Variants in CSGALNACT1 observed in about 807,000 individuals in gnomAD.
CSGALNACT1 encodes the protein chondroitin sulfate N-acetylgalactosaminyltransferase 1, also known as beta4GalNAcT-1.
CSGALNACT1 carries 52 observed loss-of-function variants against 51.0 expected under a neutral mutation model. The observed-to-expected ratio is 1.02, with a 90% CI of 0.82 to 1.29. The LOEUF (loss-of-function observed/expected upper bound fraction) is 1.29. Ranked by LOEUF, CSGALNACT1 falls within the 50% of genes most tolerant of loss-of-function variation. The pLI is 0.00. For missense variants in CSGALNACT1, 935 were observed against 679.2 expected, an observed-to-expected ratio of 1.38 and a Z score of -4.19; for synonymous variants, 341 against 254.4, an observed-to-expected ratio of 1.34 and a Z score of -3.24.
At chr8:19,489,569 G>A (rs190133068) in intron 4 of CSGALNACT1, among the ~76,000 whole-genome samples, 57 of 152,212 alleles carry the variant, frequency 3.7e-4, no homozygotes, top group African/African-American at 1.2e-3. Flanking sequence ...CAGGCAACGT[G>A]CTTAATATTA....
At chr8:19,455,859 C>G (rs1014054731) in intron 5 of CSGALNACT1, among the ~76,000 whole-genome samples, 5 of 152,208 alleles carry the variant, frequency 3.3e-5, no homozygotes, top group South Asian at 2.1e-4. Context: ...ACCGCATCTT[C>G]AATTCATCTT....
intron 3 of CSGALNACT1, among the ~76,000 whole-genome samples, chr8:19,535,631 A>T (rs911824772): frequency 6.6e-6 from 1 of 152,216 alleles, no homozygotes; most frequent in African/African-American, 2.4e-5. Flanking sequence ...TCAGAAATTT[A>T]AAAACTAAAT....
At chr8:19,574,802 C>T (rs915712844) in intron 3 of CSGALNACT1, among the ~76,000 whole-genome samples, 4 of 152,046 alleles carry the variant, frequency 2.6e-5, no homozygotes, top group Non-Finnish European at 4.4e-5. Flanking sequence ...GAGGCTGAAA[C>T]GGGCAGATCA....
At chr8:19,649,819 C>CAAAAAAAAAAAAAAAAAAAAAAAAAAAAA (rs57549612) in intron 1 of CSGALNACT1, among the ~76,000 whole-genome samples, 2 of 29,398 alleles carry the variant, frequency 6.8e-5, no homozygotes, top group African/African-American at 1.3e-4. Flanking sequence ...TTCCAAGTAG[C>CAAAAAAAAAAAAAAAAAAAAAAAAAAAAA]AAAAAAAAAA....
chr8:19,703,918 C>G (rs1389869328), intron 1 of CSGALNACT1, among the ~76,000 whole-genome samples: 1 of 152,218 alleles, frequency 6.6e-6, no homozygotes, highest in African/African-American at 2.4e-5. Context: ...GAGCCTCTTA[C>G]ATAGTACGGG....
intron 1 of CSGALNACT1, among the ~76,000 whole-genome samples, chr8:19,621,828 A>G (rs1319017324): frequency 6.6e-6 from 1 of 152,208 alleles, no homozygotes; most frequent in East Asian, 1.9e-4. Context: ...TCACTCATCA[A>G]TGGCAAGAGT....
intron 5 of CSGALNACT1, chr8:19,457,736 C>G: frequency 7.4e-7 from 1 of 1,347,922 alleles, no homozygotes; most frequent in African/African-American, 1.5e-5. Flanking sequence ...ATATGTGCAT[C>G]TGAGCCATCA....
At chr8:19,676,649 C>T (rs2060213267) in intron 1 of CSGALNACT1, among the ~76,000 whole-genome samples, 1 of 151,946 alleles carries the variant, frequency 6.6e-6, no homozygotes, top group South Asian at 2.1e-4. Context: ...GACCAAAAAT[C>T]AACATTTGCA....
At chr8:19,690,410 T>C (rs923094886) in intron 1 of CSGALNACT1, among the ~76,000 whole-genome samples, 1 of 152,116 alleles carries the variant, frequency 6.6e-6, no homozygotes, top group African/African-American at 2.4e-5. Flanking sequence ...GCCTTAACAT[T>C]CTGTTTCTGC....
intron 1 of CSGALNACT1, among the ~76,000 whole-genome samples, chr8:19,653,929 G>C (rs1327858206): frequency 6.6e-6 from 1 of 152,046 alleles, no homozygotes; most frequent in Non-Finnish European, 1.5e-5. Context: ...GGTGTTCACT[G>C]TCTGACATGC....
At chr8:19,492,323 C>G (rs150760996) in intron 4 of CSGALNACT1, among the ~76,000 whole-genome samples, 2 of 152,206 alleles carry the variant, frequency 1.3e-5, no homozygotes, top group African/African-American at 4.8e-5. Context: ...AACCAGCATA[C>G]TGCTGGGCTA....
chr8:19,459,502 C>T (rs539174063), intron 4 of CSGALNACT1, among the ~76,000 whole-genome samples: 4 of 151,546 alleles, frequency 2.6e-5, no homozygotes, highest in Admixed American at 6.6e-5. Context: ...GGTTGGGGGA[C>T]CCTCTGGAAG....
At chr8:19,682,377 T>A (rs553386412) in intron 1 of CSGALNACT1, 30 of 323,908 alleles carry the variant, frequency 9.3e-5, no homozygotes, top group South Asian at 7.6e-4. Context: ...CCTAGGGCTC[T>A]TCTTAATTAG....
chr8:19,542,352 AG>A (rs1369925635), intron 3 of CSGALNACT1, among the ~76,000 whole-genome samples: 1 of 152,210 alleles, frequency 6.6e-6, no homozygotes, highest in African/African-American at 2.4e-5. Context: ...CATAATAAGA[AG>A]GGAAGAATGT....
chr8:19,560,366 A>G (rs1338312996), intron 3 of CSGALNACT1, among the ~76,000 whole-genome samples: 2 of 152,180 alleles, frequency 1.3e-5, no homozygotes, highest in Non-Finnish European at 2.9e-5. Context: ...AAAGGCAACA[A>G]CCTTATGAAG....
rs77430127 is a variant in CSGALNACT1 at position 19,634,253 on chromosome 8, T to C, written c.-543-32388A>G. Among the ~76,000 whole-genome samples the C allele has an allele frequency of 5.8e-3, 887 of 152,314 alleles. 9 individuals are homozygous for C. Among genetic ancestry groups the C allele is most frequent in the African/African-American group, 0.021 (860 of 41,572 alleles). ...ATTATTTCCTCCCAAAATTCCTATG[T>C]TGAAGCCTTAACTCCTTAGTGTGAT... On this transcript the variant is annotated intron_variant, in intron 1 of 9. Transcript: ENST00000332246.
At chr8:19,443,012 C>G (rs993537387) in intron 5 of CSGALNACT1, among the ~76,000 whole-genome samples, 3 of 152,208 alleles carry the variant, frequency 2.0e-5, no homozygotes, top group African/African-American at 7.2e-5. Flanking sequence ...CTCCGTGACT[C>G]TAACGATCCC....
At chr8:19,514,597 G>A (rs1323193633) in intron 3 of CSGALNACT1, among the ~76,000 whole-genome samples, 1 of 148,228 alleles carries the variant, frequency 6.7e-6, no homozygotes, top group African/African-American at 2.5e-5. Context: ...GAGGTGGGCA[G>A]ATCCCTTGAG....
chr8:19,652,979 G>A (rs1326043147), intron 1 of CSGALNACT1, among the ~76,000 whole-genome samples: 1 of 151,896 alleles, frequency 6.6e-6, no homozygotes, highest in African/African-American at 2.4e-5. Context: ...TATCTGCTTT[G>A]CCCTCCTCTC....
Sources: gnomAD v4.1 joint callset for allele counts (sites outside exome capture counted in the v4.1 genomes callset) on GRCh38, gnomAD v4.1.1 for gene constraint, MANE v1.5 for transcripts, NCBI Gene and HGNC (gene_info 2026-07-23, HGNC 2026-07-21) for gene names.